The following GARNL3 variants were observed in gnomAD, a reference collection of about 807,000 sequenced individuals.
GARNL3 encodes the protein GTPase-activating Rap/Ran-GAP domain-like protein 3.
Under a neutral mutation model 125.0 loss-of-function variants are expected in GARNL3, and 63 were observed. The ratio of observed to expected loss-of-function variants is 0.50; its 90% CI spans 0.41 to 0.62. The LOEUF is 0.62. Ranked by LOEUF, GARNL3 falls within the 20% of genes least tolerant of loss-of-function variation. The probability of loss-of-function intolerance (pLI) is 0.00; values close to 1 mark genes in which losing one functional copy is unlikely to be tolerated. For missense variants in GARNL3, 994 were observed against 1,244.0 expected (o/e 0.80, Z 3.02); for synonymous variants, 439 against 457.5 (o/e 0.96, Z 0.52).
intron 21 of GARNL3, 45 bp from the exon 22 acceptor site, chr9:127,365,255 G>T: frequency 6.6e-7 from 1 of 1,513,970 alleles, no homozygotes; most frequent in Non-Finnish European, 9.2e-7. Flanking sequence ...TTTTCACAGG[G>T]TCAGCATCCA....
chr9:127,251,318 T>C (rs1335471170), intron 2 of GARNL3, among the ~76,000 whole-genome samples: 1 of 151,834 alleles, frequency 6.6e-6, no homozygotes, highest in Non-Finnish European at 1.5e-5. Flanking sequence ...GAGTTTGGCT[T>C]ATCTATTATT....
At chr9:127,374,372 A>G (rs965364404) in intron 22 of GARNL3, among the ~76,000 whole-genome samples, 2 of 152,196 alleles carry the variant, frequency 1.3e-5, no homozygotes, top group Non-Finnish European at 2.9e-5. Context: ...TTCAAAATGG[A>G]TCATAAAACT....
At chr9:127,256,913 C>A (rs2063504691) in intron 2 of GARNL3, among the ~76,000 whole-genome samples, 2 of 152,184 alleles carry the variant, frequency 1.3e-5, no homozygotes, top group Admixed American at 1.3e-4. Context: ...TATTCACAGA[C>A]AAGATACAGA....
chr9:127,320,131 T>A (rs2065355413), intron 5 of GARNL3, among the ~76,000 whole-genome samples: 1 of 152,240 alleles, frequency 6.6e-6, no homozygotes, highest in African/African-American at 2.4e-5. Flanking sequence ...GCTAAAATAG[T>A]ACTTGCCTCA....
At chr9:127,255,415 A>AT in intron 2 of GARNL3, among the ~76,000 whole-genome samples, 1 of 152,322 alleles carries the variant, frequency 6.6e-6, no homozygotes, top group South Asian at 2.1e-4. Context: ...ACTTGTGTAA[A>AT]TTTTTAAAAC....
In GARNL3 at chr9:127,268,573, C is replaced by T. The variant is rs188434706; in HGVS notation, c.144+3552C>T. ...TTTTATTGTGGTAAAACAGACAGAA[C>T]ATAAACTTTGCCATTTTAACTATTT... On this transcript the variant is annotated intron_variant, in intron 1 of 27. Transcript: ENST00000373387. Among the ~76,000 whole-genome samples, 3 of 152,230 alleles carry T rather than the reference C, an allele frequency of 2.0e-5. No homozygotes were observed. The East Asian group carries it at 5.8e-4, about 29-fold the overall frequency.
At chr9:127,277,371 A>T (rs2063982954) in intron 1 of GARNL3, among the ~76,000 whole-genome samples, 1 of 149,700 alleles carries the variant, frequency 6.7e-6, no homozygotes, top group Non-Finnish European at 1.5e-5. Context: ...ACTTCTCAAA[A>T]ATTCCATTTA....
At chr9:127,329,579 G>A (rs1002212033) in intron 7 of GARNL3, among the ~76,000 whole-genome samples, 1 of 151,856 alleles carries the variant, frequency 6.6e-6, no homozygotes, top group Non-Finnish European at 1.5e-5. Context: ...GGGTATGGTA[G>A]CATGGTGCCA....
chr9:127,350,527 G>A (rs1226355141), intron 17 of GARNL3, among the ~76,000 whole-genome samples: 1 of 151,930 alleles, frequency 6.6e-6, no homozygotes, highest in East Asian at 1.9e-4. Context: ...GTAATCCCAG[G>A]ACTTTGGGAG....
chr9:127,343,045 A>G (rs1829953454), intron 14 of GARNL3, among the ~76,000 whole-genome samples: 1 of 151,724 alleles, frequency 6.6e-6, no homozygotes, highest in South Asian at 2.1e-4. Flanking sequence ...TTATAGGCAT[A>G]CACCACTGCA....
intron 20 of GARNL3, among the ~76,000 whole-genome samples, chr9:127,355,896 G>C (rs1405293323): frequency 3.3e-5 from 5 of 152,150 alleles, no homozygotes; most frequent in African/African-American, 1.2e-4. Context: ...CTCTGAATAG[G>C]TTACCTGTGA....
intron 2 of GARNL3, among the ~76,000 whole-genome samples, chr9:127,293,592 A>T (rs2064493390): frequency 6.6e-6 from 1 of 151,618 alleles, no homozygotes; most frequent in Non-Finnish European, 1.5e-5. Flanking sequence ...AGATAATGTC[A>T]AATTTGTCTT....
At chr9:127,379,713 C>T (rs961097124) in intron 22 of GARNL3, among the ~76,000 whole-genome samples, 6 of 152,182 alleles carry the variant, frequency 3.9e-5, no homozygotes, top group African/African-American at 1.2e-4. Context: ...CATTCAAATA[C>T]TGAAGTGCCA....
At chr9:127,248,388 G>T (rs2063339204) in intron 2 of GARNL3, among the ~76,000 whole-genome samples, 2 of 152,044 alleles carry the variant, frequency 1.3e-5, no homozygotes, top group South Asian at 4.1e-4. Context: ...CCATTCCCCT[G>T]TTGAAATAGT....
intron 1 of GARNL3, among the ~76,000 whole-genome samples, chr9:127,282,764 C>T (rs2064138309): frequency 6.6e-6 from 1 of 151,974 alleles, no homozygotes; most frequent in African/African-American, 2.4e-5. Context: ...TAGGGAATAC[C>T]AGCACTGATT....
At chr9:127,265,959 G>A (rs978084502) in intron 1 of GARNL3, among the ~76,000 whole-genome samples, 6 of 152,194 alleles carry the variant, frequency 3.9e-5, no homozygotes, top group African/African-American at 1.4e-4. Flanking sequence ...GGGTATTCTT[G>A]AAAATATAAA....
chr9:127,323,343 T>G (rs2065460213), intron 6 of GARNL3, among the ~76,000 whole-genome samples: 1 of 152,228 alleles, frequency 6.6e-6, no homozygotes, highest in Admixed American at 6.5e-5. Flanking sequence ...TATTCGCTTC[T>G]GAACAAATGT....
chr9:127,387,214 A>G lies in GARNL3; in HGVS notation c.2410A>G (p.Thr804Ala), dbSNP rs764332357. 1.2e-6 allele frequency: 2 copies of G among 1,613,464 alleles called. No individual in the cohort carries two copies. Among genetic ancestry groups the G allele is most frequent in the East Asian group, 2.2e-5 (1 of 44,872 alleles). ...CTAGTCGGATATATACTTCACAGCA[A>G]CTGCAGCTGTGAATGAGGTCTCATC... Reference protein sequence around the residue: ...ASRSDIYFTATAAVNEVSSGG... With the variant: ...ASRSDIYFTAAAAVNEVSSGG... The change falls in exon 25 of 28, where the codon ACT (threonine) becomes GCT (alanine). Residue 804 changes from threonine (T) to alanine (A), a missense_variant. Around this residue, in one of 5 missense-constraint regions of GARNL3, gnomAD observed 728 missense variants for 865.7 expected, o/e 0.84. Transcript: ENST00000373387.
chr9:127,380,001 GA>G (rs914411824), intron 22 of GARNL3, among the ~76,000 whole-genome samples: 18 of 152,248 alleles, frequency 1.2e-4, no homozygotes, highest in African/African-American at 4.3e-4. Context: ...CCAACATGGT[GA>G]AACCCCATCT....
Sources: allele counts gnomAD v4.1 joint callset (sites outside exome capture counted in the v4.1 genomes callset), GRCh38; gene constraint gnomAD v4.1.1; regional missense constraint gnomAD v4.1.1; transcripts MANE v1.5; gene names NCBI Gene and HGNC (gene_info 2026-07-23, HGNC 2026-07-21).